Variants in MPHOSPH9 observed in about 807,000 individuals in gnomAD.
The protein encoded by MPHOSPH9 is M-phase phosphoprotein 9.
Under a neutral mutation model 145.5 loss-of-function variants are expected in MPHOSPH9, and 88 were observed. The ratio of observed to expected loss-of-function variants is 0.60; its 90% CI spans 0.51 to 0.72. The LOEUF is 0.72. Among genes scored for constraint, MPHOSPH9 ranks in the 30% least tolerant of loss-of-function variants. The pLI is 0.00. For missense variants in MPHOSPH9, 1,238 were observed against 1,386.6 expected (o/e 0.89, Z 1.70); for synonymous variants, 435 against 486.2 (o/e 0.89, Z 1.39).
chr12:123,202,867 G>A lies in MPHOSPH9; in HGVS notation c.1538C>T (p.Thr513Ile), dbSNP rs372914507. 92 of 1,614,056 alleles carry A rather than the reference G, an allele frequency of 5.7e-5. No homozygotes were observed. Among genetic ancestry groups the A allele is most frequent in the Non-Finnish European group, 7.5e-5 (88 of 1,180,032 alleles). ...CCAAGAGTCCACCGGAGAAGCTTTT[G>A]TGTGTGAGGGATATTTTGGAAATCC... ...LPGFPKYPSH[T>I]KASPVDSWKN... The change falls in exon 10 of 24, where the codon ACA becomes ATA. Residue 513 changes from threonine (T) to isoleucine (I), a missense_variant. By Grantham distance (89) the Thr-to-Ile change is moderately conservative. Transcript: ENST00000606320.
At chr12:123,220,789 C>T (rs1593230571) in intron 5 of MPHOSPH9, among the ~76,000 whole-genome samples, 1 of 151,770 alleles carries the variant, frequency 6.6e-6, no homozygotes, top group Admixed American at 6.6e-5. Context: ...GGCGAGGTGG[C>T]TCACACCTGT....
In MPHOSPH9 at chr12:123,221,719, A is replaced by C. The variant is rs778842456; in HGVS notation, c.525T>G (p.Pro175=). 3 of 1,614,128 alleles carry C rather than the reference A, an allele frequency of 1.9e-6. No homozygotes were observed. In the East Asian group the frequency reaches 6.7e-5, roughly 36 times the overall value. Residue 175 remains proline (P), a synonymous_variant, in exon 5 of 24, where the codon CCT becomes CCG. Coordinates refer to ENST00000606320, the MANE Select transcript of MPHOSPH9 (RefSeq NM_022782.4). ...ACGTGGACATTTCTTGCTGTATTTCAGGTTCTGTGGATTCAGGATAATGGA... is the reference window on the plus strand; with the variant it reads ...ACGTGGACATTTCTTGCTGTATTTCCGGTTCTGTGGATTCAGGATAATGGA... ...SVIHYPESTE[P]EIQQEMSTSQ...
intron 6 of MPHOSPH9, among the ~76,000 whole-genome samples, chr12:123,215,313 ATT>A (rs918040421): frequency 1.4e-5 from 2 of 145,750 alleles, no homozygotes; most frequent in Admixed American, 6.9e-5. Flanking sequence ...ACTGTTGCAG[ATT>A]TTTTTTTTTT....
At chr12:123,167,392 T>C (rs2044363087) in intron 16 of MPHOSPH9, among the ~76,000 whole-genome samples, 1 of 152,252 alleles carries the variant, frequency 6.6e-6, no homozygotes, top group Non-Finnish European at 1.5e-5. Context: ...ATGCTGATTA[T>C]GGGAACTATT....
intron 7 of MPHOSPH9, among the ~76,000 whole-genome samples, chr12:123,213,980 T>C (rs2046854635): frequency 6.6e-6 from 1 of 152,014 alleles, no homozygotes; most frequent in Non-Finnish European, 1.5e-5. Context: ...TTGTAAGAAG[T>C]GGTGCGATTC....
In MPHOSPH9 at chr12:123,202,771, T is replaced by C. The variant is rs1193848392; in HGVS notation, c.1634A>G (p.Asn545Ser). 1 of 1,614,192 alleles carries C rather than the reference T, an allele frequency of 6.2e-7. No individual in the cohort carries two copies. Among genetic ancestry groups the C allele is most frequent in the Non-Finnish European group, 8.5e-7 (1 of 1,180,032 alleles). ...ATCTACAGTGTTGACCGAGATATCATTACTAGTAATGGTATATACTGACGG... is the reference window on the plus strand; with the variant it reads ...ATCTACAGTGTTGACCGAGATATCACTACTAGTAATGGTATATACTGACGG... ...TFPSVYTITS[N>S]DISVNTVDEE... The change falls in exon 10 of 24, where the codon AAT becomes AGT. Residue 545 changes from asparagine to serine, a missense_variant. Around this residue, in one of 3 missense-constraint regions of MPHOSPH9, gnomAD observed 837 missense variants for 897.5 expected, o/e 0.93. Coordinates refer to ENST00000606320, the MANE Select transcript of MPHOSPH9 (RefSeq NM_022782.4).
intron 13 of MPHOSPH9, 54 bp downstream of exon 13, chr12:123,194,332 C>A: frequency 9.6e-7 from 1 of 1,045,632 alleles, no homozygotes; most frequent in South Asian, 1.6e-5. Flanking sequence ...GAGTATAATA[C>A]CTAAATTACT....
chr12:123,230,429 T>C lies in MPHOSPH9; in HGVS notation c.-65A>G. ...AGGTTCTTGGGCTGTTTGAGAAAAA[T>C]GAATCCGTGTCATCTTCAGAGGCTT... On this transcript the variant is annotated 5_prime_UTR_variant, in exon 2 of 24. Coordinates refer to ENST00000606320, the MANE Select transcript of MPHOSPH9 (RefSeq NM_022782.4). 1.1e-6 allele frequency: 1 copy of C among 928,528 alleles called. No individual in the cohort carries two copies. The highest frequency in any genetic ancestry group is 1.6e-6 in the Non-Finnish European group (1 of 636,068). The allele number at this position is 928,528 out of a possible 1,614,324, so 57.5% of individuals were successfully genotyped here.
At chr12:123,204,818 T>A (rs1045001570) in intron 8 of MPHOSPH9, among the ~76,000 whole-genome samples, 3 of 152,142 alleles carry the variant, frequency 2.0e-5, no homozygotes, top group Non-Finnish European at 4.4e-5. Context: ...GAGGTTGCAG[T>A]GAGTTGGGAT....
chr12:123,210,977 CTTTTTTTTTTTTTTTTT>C (rs907442708), intron 7 of MPHOSPH9, among the ~76,000 whole-genome samples: 2 of 89,788 alleles, frequency 2.2e-5, no homozygotes, highest in Admixed American at 2.2e-4. Context: ...TTTGTTTTTT[CTTTTTTTTTTTTTTTTT>C]TTTTTTTTGA....
chr12:123,219,604 G>A (rs1465948814), intron 5 of MPHOSPH9, among the ~76,000 whole-genome samples: 3 of 149,716 alleles, frequency 2.0e-5, no homozygotes, highest in Non-Finnish European at 4.4e-5. Flanking sequence ...CAAAAAGTCT[G>A]TAGCCATAGA....
chr12:123,174,607 C>T (rs993707426), intron 16 of MPHOSPH9, among the ~76,000 whole-genome samples: 3 of 152,022 alleles, frequency 2.0e-5, no homozygotes, highest in South Asian at 2.1e-4. Context: ...CTCCTGACCT[C>T]GTGATCCGCC....
intron 7 of MPHOSPH9, among the ~76,000 whole-genome samples, chr12:123,212,970 C>T (rs1444259171): frequency 6.6e-6 from 1 of 150,758 alleles, no homozygotes; most frequent in Non-Finnish European, 1.5e-5. Flanking sequence ...CGCCATTCTC[C>T]TGCCTCAGCC....
In MPHOSPH9 at chr12:123,159,873, T is replaced by A. The variant is rs2851439; in HGVS notation, c.3450+908A>T. ...GAAAAGTTCAATTGAAAGTTTATTTTTTTTTTTTTTTAAGACTGAGTCTTG... is the reference window on the plus strand; with the variant it reads ...GAAAAGTTCAATTGAAAGTTTATTTATTTTTTTTTTTAAGACTGAGTCTTG... On this transcript the variant is annotated intron_variant, in intron 23 of 23. Transcript: ENST00000606320. This position sits in a 1 kb window ranked among gnomAD's most constrained non-coding sequence, Gnocchi z 4.3. 0.82 allele frequency: 122,285 copies of A among 149,726 alleles called. 49,869 individuals are homozygous for A. The highest frequency in any genetic ancestry group is 0.97 in the East Asian group (5,007 of 5,158). The allele number at this position is 149,726 out of a possible 1,614,324, so 9.3% of individuals were successfully genotyped here.
rs537744416 is a variant in MPHOSPH9 at position 123,155,461 on chromosome 12, G to C, written c.*1346C>G. The stretch of plus-strand genomic sequence containing the variant: ...TGCTTGGAATAACTGGGATGGCTTG[G>C]TTCATTCTAACTACTTATTATTAAG... On this transcript the variant is annotated 3_prime_UTR_variant, in exon 24 of 24. Coordinates refer to ENST00000606320, the MANE Select transcript of MPHOSPH9 (RefSeq NM_022782.4). 7.9e-4 allele frequency: 121 copies of C among 152,228 alleles called. 1 individual carries two copies. Among genetic ancestry groups the C allele is most frequent in the African/African-American group, 2.7e-3 (113 of 41,526 alleles). The allele number at this position is 152,228 out of a possible 1,614,324, so 9.4% of individuals were successfully genotyped here. A position where few individuals can be genotyped will look rare whatever the true frequency, so the allele number is the denominator to read the frequency against.
upstream of MPHOSPH9, among the ~76,000 whole-genome samples, chr12:123,236,749 T>C (rs905905043): frequency 1.3e-4 from 20 of 152,136 alleles, no homozygotes; most frequent in Non-Finnish European, 5.9e-5. Flanking sequence ...TCTGTTTTAA[T>C]AGTGTAGTTG....
chr12:123,190,853 T>C (rs1488080539), intron 13 of MPHOSPH9, among the ~76,000 whole-genome samples: 1 of 152,214 alleles, frequency 6.6e-6, no homozygotes, highest in Non-Finnish European at 1.5e-5. Flanking sequence ...GTATTTGTTA[T>C]ATTACTCTCT....
chr12:123,190,515 T>G (rs1011271797), intron 13 of MPHOSPH9, among the ~76,000 whole-genome samples: 1 of 152,146 alleles, frequency 6.6e-6, no homozygotes, highest in Admixed American at 6.6e-5. Context: ...TCTATATCTT[T>G]TTATGTACCT....
chr12:123,174,015 C>CTCTG (rs1406260037), intron 16 of MPHOSPH9, among the ~76,000 whole-genome samples: 1 of 152,166 alleles, frequency 6.6e-6, no homozygotes, highest in Non-Finnish European at 1.5e-5. Flanking sequence ...CTGACCCTAT[C>CTCTG]TCTGGGTAGA....
Sources: gnomAD v4.1 joint callset for allele counts (sites outside exome capture counted in the v4.1 genomes callset) on GRCh38, gnomAD v4.1.1 for gene constraint, gnomAD v4.1.1 regional missense constraint, Gnocchi (gnomAD v3.1) non-coding constraint, MANE v1.5 for transcripts, NCBI Gene and HGNC (gene_info 2026-07-23, HGNC 2026-07-21) for gene names.